Variants in JAKMIP2 observed in about 807,000 individuals in gnomAD.
JAKMIP2 encodes janus kinase and microtubule-interacting protein 2.
A neutral mutation model predicts 115.0 loss-of-function variants in JAKMIP2; 25 were observed. That is an observed-to-expected ratio of 0.22 (90% CI 0.16 to 0.30). The LOEUF (loss-of-function observed/expected upper bound fraction) is 0.30, where lower values mean the gene tolerates loss of function less well. Among genes scored for constraint, JAKMIP2 ranks in the 10% least tolerant of loss-of-function variants. JAKMIP2 has a pLI of 1.00. For missense variants in JAKMIP2, 642 were observed against 957.6 expected, an observed-to-expected ratio of 0.67 and a Z score of 4.35; for synonymous variants, 334 against 343.6, an observed-to-expected ratio of 0.97 and a Z score of 0.31.
At chr5:147,669,457 C>A (rs976556705) in intron 2 of JAKMIP2, among the ~76,000 whole-genome samples, 4 of 152,190 alleles carry the variant, frequency 2.6e-5, no homozygotes, top group Non-Finnish European at 5.9e-5. Flanking sequence ...GATAAACAGG[C>A]AGCCTGGTTC....
chr5:147,666,309 G>T (rs1396663392), intron 2 of JAKMIP2, among the ~76,000 whole-genome samples: 5 of 151,998 alleles, frequency 3.3e-5, no homozygotes, highest in Non-Finnish European at 5.9e-5. Flanking sequence ...ATCTTAAAAT[G>T]AATATACAAA....
chr5:147,738,947 G>T (rs1000504651), intron 1 of JAKMIP2, among the ~76,000 whole-genome samples: 2 of 152,140 alleles, frequency 1.3e-5, no homozygotes, highest in Admixed American at 6.5e-5. Flanking sequence ...TAACCCTTGG[G>T]CTCTTCATCC....
intron 5 of JAKMIP2, among the ~76,000 whole-genome samples, chr5:147,648,108 T>C (rs899298447): frequency 7.2e-5 from 11 of 152,182 alleles, no homozygotes; most frequent in African/African-American, 1.2e-4. Context: ...TAGACATCTA[T>C]GGCGATTGAA....
intron 1 of JAKMIP2, among the ~76,000 whole-genome samples, chr5:147,760,356 T>G (rs1754888776): frequency 6.8e-6 from 1 of 146,034 alleles, no homozygotes; most frequent in Admixed American, 6.9e-5. Context: ...TAAACCCAAA[T>G]GTTTAGAGAT....
chr5:147,666,381 A>C (rs980149130), intron 2 of JAKMIP2, among the ~76,000 whole-genome samples: 12 of 152,198 alleles, frequency 7.9e-5, no homozygotes, highest in African/African-American at 2.9e-4. Context: ...GAAATGAAGA[A>C]AATTATTTAG....
At chr5:147,733,528 A>G (rs1449401407) in intron 1 of JAKMIP2, among the ~76,000 whole-genome samples, 3 of 152,122 alleles carry the variant, frequency 2.0e-5, no homozygotes, top group Non-Finnish European at 2.9e-5. Flanking sequence ...GGTTTGTTAC[A>G]CAGGTATACA....
chr5:147,703,770 T>A (rs912982416), intron 1 of JAKMIP2, among the ~76,000 whole-genome samples: 1 of 152,018 alleles, frequency 6.6e-6, no homozygotes, highest in Admixed American at 6.6e-5. Context: ...TTACTTCAAC[T>A]TTTTTACTTC....
At chr5:147,615,362 T>A (rs1756518118) in intron 19 of JAKMIP2, among the ~76,000 whole-genome samples, 1 of 152,182 alleles carries the variant, frequency 6.6e-6, no homozygotes, top group South Asian at 2.1e-4. Flanking sequence ...CACTTTAGGA[T>A]GAGCAATTAT....
chr5:147,657,268 A>T (rs1758727293), intron 3 of JAKMIP2, among the ~76,000 whole-genome samples: 1 of 150,776 alleles, frequency 6.6e-6, no homozygotes, highest in African/African-American at 2.5e-5. Flanking sequence ...TGACAGAGCG[A>T]GACTCCGTCT....
intron 21 of JAKMIP2, among the ~76,000 whole-genome samples, chr5:147,593,384 G>T (rs887659435): frequency 2.0e-4 from 30 of 152,344 alleles, no homozygotes; most frequent in South Asian, 1.4e-3. Context: ...GATATCAAGT[G>T]TTGGTCAACA....
At chr5:147,750,547 A>G (rs1205421519) in intron 1 of JAKMIP2, among the ~76,000 whole-genome samples, 1 of 137,094 alleles carries the variant, frequency 7.3e-6, no homozygotes, top group African/African-American at 2.7e-5. Context: ...GATATCACTC[A>G]TGGTGCCAGA....
intron 2 of JAKMIP2, among the ~76,000 whole-genome samples, chr5:147,662,351 C>T (rs930675722): frequency 6.6e-6 from 1 of 152,102 alleles, no homozygotes; most frequent in African/African-American, 2.4e-5. Flanking sequence ...GCCAACACTC[C>T]AAGTAGTTTG....
At chr5:147,694,076 A>C (rs994782141) in intron 1 of JAKMIP2, among the ~76,000 whole-genome samples, 1 of 152,176 alleles carries the variant, frequency 6.6e-6, no homozygotes, top group African/African-American at 2.4e-5. Context: ...AGAGCCAATT[A>C]ATATTTTTAA....
rs79741094 is a variant in JAKMIP2 at position 147,768,755 on chromosome 5, C to T, written c.-149+13701G>A. Among the ~76,000 whole-genome samples the T allele has an allele frequency of 4.2e-3, 645 of 152,218 alleles. 12 individuals are homozygous for T. The highest frequency in any genetic ancestry group is 0.015 in the African/African-American group (607 of 41,552). ...CCCCAATAAAGAACAAATATGATTT[C>T]GCTTAAATAAGACTTTATATCTTTA... On this transcript the variant is annotated intron_variant, in intron 1 of 21. Transcript: ENST00000616793.
At chr5:147,616,917 C>T (rs1756614021) in intron 19 of JAKMIP2, among the ~76,000 whole-genome samples, 1 of 152,130 alleles carries the variant, frequency 6.6e-6, no homozygotes, top group African/African-American at 2.4e-5. Context: ...TAAAAGAACC[C>T]CTGCCTCTTT....
chr5:147,620,440 T>C (rs1486946198), intron 18 of JAKMIP2, among the ~76,000 whole-genome samples: 3 of 152,156 alleles, frequency 2.0e-5, no homozygotes, highest in African/African-American at 4.8e-5. Context: ...AAATGAAGTA[T>C]AATTAAATAT....
At chr5:147,670,732 T>C (rs902504927) in intron 2 of JAKMIP2, among the ~76,000 whole-genome samples, 7 of 152,224 alleles carry the variant, frequency 4.6e-5, no homozygotes, top group African/African-American at 1.7e-4. Context: ...ATCTAATTCA[T>C]ACCTCAGTAC....
intron 15 of JAKMIP2, among the ~76,000 whole-genome samples, chr5:147,629,022 C>T (rs1254702138): frequency 6.6e-6 from 1 of 152,084 alleles, no homozygotes; most frequent in Non-Finnish European, 1.5e-5. Context: ...TAAATATCTC[C>T]TTAACACCGA....
At chr5:147,622,986 A>G (rs1296245294) in intron 17 of JAKMIP2, among the ~76,000 whole-genome samples, 4 of 152,062 alleles carry the variant, frequency 2.6e-5, no homozygotes, top group African/African-American at 9.7e-5. Context: ...AGTGGTACAA[A>G]AATAGCTCAC....
Sources: gnomAD v4.1 joint callset for allele counts (sites outside exome capture counted in the v4.1 genomes callset) on GRCh38, gnomAD v4.1.1 for gene constraint, MANE v1.5 for transcripts, NCBI Gene and HGNC (gene_info 2026-07-23, HGNC 2026-07-21) for gene names.